GPR155: variants seen among roughly 807,000 people sequenced by gnomAD.
The protein encoded by GPR155 is G protein-coupled receptor 155.
GPR155 carries 65 observed loss-of-function variants against 93.1 expected under a neutral mutation model. That is an observed-to-expected ratio of 0.70 (90% CI 0.57 to 0.86). The LOEUF (loss-of-function observed/expected upper bound fraction) is 0.86. GPR155 is among the 40% of genes least tolerant of loss of function. The probability of loss-of-function intolerance (pLI) is 0.00; values close to 1 mark genes in which losing one functional copy is unlikely to be tolerated. For synonymous variants in GPR155, 319 were observed against 360.1 expected, an observed-to-expected ratio of 0.89 and a Z score of 1.29; for missense variants, 838 against 1,034.8, an observed-to-expected ratio of 0.81 and a Z score of 2.61.
At position 174,433,259 on chromosome 2, in the gene GPR155, T is replaced by G. The variant is rs1365095149; in HGVS notation, c.*2857A>C. ...GATGCTCAAAGGTCATCTAAATAGA[T>G]CTCTTTAATTTACTGAAGATAAAGT... On this transcript the variant is annotated 3_prime_UTR_variant, in exon 16 of 16. Transcript: ENST00000392552. The G allele has an allele frequency of 1.3e-5, 2 of 152,182 alleles. No individual in the cohort carries two copies. Among genetic ancestry groups the G allele is most frequent in the Non-Finnish European group, 2.9e-5 (2 of 68,034 alleles). The allele number at this position is 152,182 out of a possible 1,614,324, so 9.4% of individuals were successfully genotyped here. A position where few individuals can be genotyped will look rare whatever the true frequency, so the allele number is the denominator to read the frequency against.
chr2:174,461,284 G>GA, intron 9 of GPR155, 118 bp downstream of exon 9: 1 of 669,228 alleles, frequency 1.5e-6, no homozygotes, highest in South Asian at 1.9e-5. Context: ...TCACCAATCT[G>GA]ATATGCAATA....
At chr2:174,452,203 A>G (rs1687341265) in intron 11 of GPR155, among the ~76,000 whole-genome samples, 1 of 152,122 alleles carries the variant, frequency 6.6e-6, no homozygotes, top group African/African-American at 2.4e-5. Flanking sequence ...CTTGTAAAAG[A>G]AAAAAAAGTC....
At position 174,431,733 on chromosome 2, in the gene GPR155, A is replaced by G. The variant is rs1045826042; in HGVS notation, c.*4383T>C. 6.6e-6 allele frequency: 1 copy of G among 152,240 alleles called. No individual in the cohort carries two copies. The highest frequency in any genetic ancestry group is 1.5e-5 in the Non-Finnish European group (1 of 68,032). 9.4% of individuals were successfully genotyped at this position (152,240 alleles called of 1,614,324 possible). ...GTGGCCTAAAGTAATTTAATATTTTACATGATGAGATATGAAGGGGCAAAC... is the reference window on the plus strand; with the variant it reads ...GTGGCCTAAAGTAATTTAATATTTTGCATGATGAGATATGAAGGGGCAAAC... On this transcript the variant is annotated 3_prime_UTR_variant, in exon 16 of 16. Transcript: ENST00000392552.
At chr2:174,468,028 G>A (rs1460824838) in intron 5 of GPR155, among the ~76,000 whole-genome samples, 1 of 152,188 alleles carries the variant, frequency 6.6e-6, no homozygotes, top group Non-Finnish European at 1.5e-5. Context: ...GAGCCACGGT[G>A]CCAGATCACA....
At position 174,434,512 on chromosome 2, in the gene GPR155, G is replaced by A. The variant is rs959734413; in HGVS notation, c.*1604C>T. 6.6e-6 allele frequency: 1 copy of A among 151,868 alleles called. No individual in the cohort carries two copies. Among genetic ancestry groups the A allele is most frequent in the Non-Finnish European group, 1.5e-5 (1 of 67,986 alleles). The allele number at this position is 151,868 out of a possible 1,614,324, so 9.4% of individuals were successfully genotyped here. ...CTGTGGAGATAATAATACATATGGA[G>A]GTTCTTATTCCTTTCCTTAATGGCA... On this transcript the variant is annotated 3_prime_UTR_variant, in exon 16 of 16. Coordinates refer to ENST00000392552, the MANE Select transcript of GPR155 (RefSeq NM_152529.7).
chr2:174,436,747 A>G lies in GPR155; in HGVS notation c.2313-331T>C, dbSNP rs146073820. Among the ~76,000 whole-genome samples, 751 of 152,388 alleles carry G rather than the reference A, an allele frequency of 4.9e-3. 4 individuals are homozygous for G. The highest frequency in any genetic ancestry group is 7.1e-3 in the Non-Finnish European group (485 of 68,050). ...ATCAGATCTGTCCTGTAATAGCTGAATATGACATATTTTATAATTTATACT... is the reference window on the plus strand; with the variant it reads ...ATCAGATCTGTCCTGTAATAGCTGAGTATGACATATTTTATAATTTATACT... On this transcript the variant is annotated intron_variant, in intron 15 of 15. Coordinates refer to ENST00000392552, the MANE Select transcript of GPR155 (RefSeq NM_152529.7).
At chr2:174,479,821 A>G (rs1156382487) in intron 2 of GPR155, among the ~76,000 whole-genome samples, 4 of 152,234 alleles carry the variant, frequency 2.6e-5, no homozygotes, top group African/African-American at 9.6e-5. Flanking sequence ...TTTTCTTTCC[A>G]AAAGTCTTTA....
rs994616619 is a variant in GPR155 at position 174,459,997 on chromosome 2, T to C, written c.1652A>G (p.Tyr551Cys). Residue 551 changes from tyrosine to cysteine, a missense_variant, in exon 10 of 16, where the codon TAT becomes TGT. Physicochemically the swap from Tyr to Cys is radical, Grantham distance 194 (BLOSUM62 -2). This residue lies in a region of GPR155 where 663 missense variants were observed against 790.1 expected (regional missense o/e 0.84). Coordinates refer to ENST00000392552, the MANE Select transcript of GPR155 (RefSeq NM_152529.7). ...CMNQTAQAGS[Y>C]EGFDQSQSHK... ...GCTCTGAGACTGATCGAAACCTTCA[T>C]AGCTTCCTGCTTGGGCAGTCTGGTT... 6 of 1,614,004 alleles carry C rather than the reference T, an allele frequency of 3.7e-6. No homozygotes were observed. The highest frequency in any genetic ancestry group is 1.7e-5 in the Admixed American group (1 of 60,008).
chr2:174,436,423 C>G lies in GPR155; in HGVS notation c.2313-7G>C, dbSNP rs1468347735. On this transcript the variant is annotated splice_polypyrimidine_tract_variant and splice_region_variant and intron_variant, in intron 15 of 15. Transcript: ENST00000392552. Reference sequence around the variant, plus strand: ...AGAAGTCTTTGCACCACACCTGTGTCAAAGGAATGATTCACCCATATTTTC... The same window carrying G: ...AGAAGTCTTTGCACCACACCTGTGTGAAAGGAATGATTCACCCATATTTTC... 6.8e-6 allele frequency: 11 copies of G among 1,612,792 alleles called. No homozygotes were observed. In the South Asian group the frequency reaches 1.2e-4, roughly 18 times the overall value.
In GPR155 at chr2:174,432,737, A is replaced by G. The variant is rs1245160555; in HGVS notation, c.*3379T>C. 1 of 151,522 alleles carries G rather than the reference A, an allele frequency of 6.6e-6. No individual in the cohort carries two copies. The highest frequency in any genetic ancestry group is 1.5e-5 in the Non-Finnish European group (1 of 67,972). The allele number at this position is 151,522 out of a possible 1,614,324, so 9.4% of individuals were successfully genotyped here. On this transcript the variant is annotated 3_prime_UTR_variant, in exon 16 of 16. Transcript: ENST00000392552. ...CTAAAGTATAATTTATTTGTTATTA[A>G]TAAATATACTAGGCTTCCATGCAGG...
At chr2:174,467,545 T>C (rs993260987) in intron 5 of GPR155, among the ~76,000 whole-genome samples, 1 of 152,232 alleles carries the variant, frequency 6.6e-6, no homozygotes, top group East Asian at 1.9e-4. Flanking sequence ...ACCTTCCGTG[T>C]CTGGGGTGGG....
At chr2:174,467,756 T>TTG (rs1687881038) in intron 5 of GPR155, among the ~76,000 whole-genome samples, 2 of 152,086 alleles carry the variant, frequency 1.3e-5, no homozygotes, top group South Asian at 2.1e-4. Flanking sequence ...TTTTTATTCT[T>TTG]TGTGTGTGTG....
intron 10 of GPR155, among the ~76,000 whole-genome samples, chr2:174,454,524 C>CAT (rs772830454): frequency 1.8e-4 from 28 of 152,036 alleles, no homozygotes; most frequent in Non-Finnish European, 3.7e-4. Flanking sequence ...GGCATGCTGG[C>CAT]ATATGGCTAT....
chr2:174,473,187 C>T lies in GPR155; in HGVS notation c.638G>A (p.Arg213His), dbSNP rs144639457. The change falls in exon 3 of 16, where the codon CGT (arginine) becomes CAT (histidine). Residue 213 changes from arginine to histidine, a missense_variant. This residue lies in a region of GPR155 where 663 missense variants were observed against 790.1 expected (regional missense o/e 0.84). Transcript: ENST00000392552. ...KIKIVGLGLLRVLQNPIVFMV... is the reference protein window; with the variant it reads ...KIKIVGLGLLHVLQNPIVFMV... ...AAATACTATTGGGTTCTGTAATACA[C>T]GCAGGAGTCCGAGTCCCACAATTTT... The T allele has an allele frequency of 1.9e-5, 31 of 1,613,020 alleles. No individual in the cohort carries two copies. Among genetic ancestry groups the T allele is most frequent in the Middle Eastern group, 3.3e-4 (2 of 6,082 alleles).
At chr2:174,483,167 C>T (rs1688377709) in intron 1 of GPR155, 1 of 151,762 alleles carries the variant, frequency 6.6e-6, no homozygotes, top group South Asian at 2.1e-4. Context: ...ACCTGGCATA[C>T]ACGAGACAGA....
intron 15 of GPR155, among the ~76,000 whole-genome samples, chr2:174,438,972 C>T (rs756206621): frequency 5.3e-5 from 8 of 152,086 alleles, no homozygotes; most frequent in Non-Finnish European, 1.2e-4. Context: ...CCCAAGAATT[C>T]GATATTTTAA....
At chr2:174,483,505 T>C (rs186509434) in intron 1 of GPR155, among the ~76,000 whole-genome samples, 1 of 152,310 alleles carries the variant, frequency 6.6e-6, no homozygotes, top group African/African-American at 2.4e-5. Flanking sequence ...AGGAACACAA[T>C]GAACATGAGG....
chr2:174,456,865 T>C (rs1299925361), intron 10 of GPR155, among the ~76,000 whole-genome samples: 1 of 152,194 alleles, frequency 6.6e-6, no homozygotes, highest in Non-Finnish European at 1.5e-5. Flanking sequence ...TATATATTGT[T>C]GATGGAAAAC....
Position 174,453,848 on chromosome 2 carries a change from C to T in GPR155, c.1772-7G>A. ...ATGGAGCAGGAGCAGCAACCTATATCAATCAAATAGTATGTGAGAGTAGAG... is the reference window on the plus strand; with the variant it reads ...ATGGAGCAGGAGCAGCAACCTATATTAATCAAATAGTATGTGAGAGTAGAG... On this transcript the variant is annotated splice_polypyrimidine_tract_variant and splice_region_variant and intron_variant, in intron 10 of 15. Transcript: ENST00000392552. 6.3e-7 allele frequency: 1 copy of T among 1,588,964 alleles called. No individual in the cohort carries two copies. The highest frequency in any genetic ancestry group is 8.6e-7 in the Non-Finnish European group (1 of 1,157,552).
Sources: gnomAD v4.1 joint callset for allele counts (sites outside exome capture counted in the v4.1 genomes callset) on GRCh38, gnomAD v4.1.1 for gene constraint, gnomAD v4.1.1 regional missense constraint, MANE v1.5 for transcripts, NCBI Gene and HGNC (gene_info 2026-07-23, HGNC 2026-07-21) for gene names.